The following MPPED2 variants were observed in gnomAD, a reference collection of about 807,000 sequenced individuals.
MPPED2 encodes metallophosphoesterase MPPED2.
MPPED2 carries 5 observed loss-of-function variants against 33.0 expected under a neutral mutation model. That is an observed-to-expected ratio of 0.15 (90% CI 0.08 to 0.32). The LOEUF is 0.32. MPPED2 is among the 10% of genes least tolerant of loss of function. The pLI is 1.00. For missense variants in MPPED2, 275 were observed against 372.1 expected, an observed-to-expected ratio of 0.74 and a Z score of 2.15; for synonymous variants, 136 against 141.9, an observed-to-expected ratio of 0.96 and a Z score of 0.29.
intron 4 of MPPED2, among the ~76,000 whole-genome samples, chr11:30,456,348 G>C (rs940054476): frequency 3.6e-4 from 55 of 152,226 alleles, no homozygotes; most frequent in African/African-American, 1.2e-3. Context: ...GAATGGTTCA[G>C]TTGAGGGGAA....
chr11:30,425,527 C>G (rs1846190440), intron 4 of MPPED2: 1 of 152,076 alleles, frequency 6.6e-6, no homozygotes, highest in Non-Finnish European at 1.5e-5. Flanking sequence ...TTCTACATGG[C>G]TGTAAGAAAC....
chr11:30,559,483 T>A (rs1382954903), intron 2 of MPPED2, among the ~76,000 whole-genome samples: 2 of 152,232 alleles, frequency 1.3e-5, no homozygotes, highest in Non-Finnish European at 2.9e-5. Flanking sequence ...ATGCTTAATT[T>A]GTATACATTT....
intron 6 of MPPED2, among the ~76,000 whole-genome samples, chr11:30,394,441 C>G (rs1030069105): frequency 6.6e-6 from 1 of 152,044 alleles, no homozygotes; most frequent in Admixed American, 6.6e-5. Context: ...TTGATATTAT[C>G]AGGCTTTTTT....
chr11:30,568,362 C>A (rs925713130), intron 2 of MPPED2, among the ~76,000 whole-genome samples: 2 of 152,132 alleles, frequency 1.3e-5, no homozygotes, highest in Admixed American at 6.5e-5. Context: ...AAAATACAAA[C>A]CTTCATTCTT....
chr11:30,552,876 C>T (rs868550881), intron 2 of MPPED2, among the ~76,000 whole-genome samples: 15 of 152,292 alleles, frequency 9.8e-5, no homozygotes, highest in Admixed American at 5.2e-4. Flanking sequence ...TCACTTTTCA[C>T]GATAGGTAAG....
At chr11:30,485,811 T>C (rs1460812807) in intron 4 of MPPED2, among the ~76,000 whole-genome samples, 3 of 152,142 alleles carry the variant, frequency 2.0e-5, no homozygotes, top group Non-Finnish European at 4.4e-5. Context: ...CCCATGGGCT[T>C]ATAGATGAAC....
intron 1 of MPPED2, among the ~76,000 whole-genome samples, chr11:30,583,134 CTTTTTTTTTT>C (rs199611856): frequency 1.3e-4 from 13 of 96,714 alleles, no homozygotes; most frequent in African/African-American, 4.8e-4. Context: ...AAGACTTTTT[CTTTTTTTTTT>C]TTTTTTTTTT....
intron 3 of MPPED2, among the ~76,000 whole-genome samples, chr11:30,517,465 G>A (rs1953596885): frequency 6.6e-6 from 1 of 152,270 alleles, no homozygotes. Flanking sequence ...CAACAATATT[G>A]AGGAGCTTTG....
chr11:30,565,166 C>T (rs537919087), intron 2 of MPPED2, among the ~76,000 whole-genome samples: 1 of 152,290 alleles, frequency 6.6e-6, no homozygotes, highest in Non-Finnish European at 1.5e-5. Context: ...CAACTGCTAA[C>T]AGCAGGCGCG....
chr11:30,395,836 G>A (rs1441320328), intron 6 of MPPED2, among the ~76,000 whole-genome samples: 2 of 152,060 alleles, frequency 1.3e-5, no homozygotes, highest in African/African-American at 2.4e-5. Flanking sequence ...TTTCAGAAAC[G>A]TTGTACACAC....
chr11:30,466,546 GTC>G (rs1950714991), intron 4 of MPPED2, among the ~76,000 whole-genome samples: 1 of 152,220 alleles, frequency 6.6e-6, no homozygotes, highest in Non-Finnish European at 1.5e-5. Flanking sequence ...GATGGCAGAG[GTC>G]AATCTGCCCT....
At chr11:30,477,031 T>A (rs1951236353) in intron 4 of MPPED2, among the ~76,000 whole-genome samples, 1 of 152,126 alleles carries the variant, frequency 6.6e-6, no homozygotes, top group South Asian at 2.1e-4. Flanking sequence ...TATGCTGCAA[T>A]TATGAAAACA....
At chr11:30,443,838 C>T (rs1565073450) in intron 4 of MPPED2, among the ~76,000 whole-genome samples, 1 of 152,176 alleles carries the variant, frequency 6.6e-6, no homozygotes, top group Non-Finnish European at 1.5e-5. Context: ...AAACAACAAA[C>T]TCATCTTAAG....
intron 4 of MPPED2, among the ~76,000 whole-genome samples, chr11:30,484,650 G>T (rs1237168330): frequency 2.0e-5 from 3 of 152,158 alleles, no homozygotes; most frequent in African/African-American, 7.2e-5. Context: ...CACTGAAAAT[G>T]ATACTCCATG....
At position 30,536,053 on chromosome 11, in the gene MPPED2, G is replaced by C; in HGVS notation, c.251C>G (p.Thr84Arg). ...CAGTCCCAGCTCGGTGAAATCGCCT[G>C]TGTGGAGAAGGATGTCCCCATAAGG... ...QMPYGDILLH[T>R]GDFTELGLPS... Residue 84 changes from threonine (T) to arginine (R), a missense_variant, in exon 3 of 7, where the codon ACA becomes AGA. By Grantham distance (71) the Thr-to-Arg change is moderately conservative. Transcript: ENST00000358117. The C allele has an allele frequency of 6.2e-7, 1 of 1,613,590 alleles. No individual in the cohort carries two copies. Among genetic ancestry groups the C allele is most frequent in the Non-Finnish European group, 8.5e-7 (1 of 1,179,768 alleles).
At chr11:30,581,009 C>A (rs577955028) in intron 1 of MPPED2, among the ~76,000 whole-genome samples, 2 of 152,290 alleles carry the variant, frequency 1.3e-5, no homozygotes, top group Admixed American at 1.3e-4. Flanking sequence ...CACATAATAA[C>A]CACACATTAC....
chr11:30,494,468 T>C (rs1237974553), intron 4 of MPPED2, among the ~76,000 whole-genome samples: 1 of 151,286 alleles, frequency 6.6e-6, no homozygotes, highest in Non-Finnish European at 1.5e-5. Context: ...CCAGGAGCGG[T>C]GGCTTATACC....
chr11:30,395,642 G>A (rs1290819330), intron 6 of MPPED2, among the ~76,000 whole-genome samples: 1 of 152,124 alleles, frequency 6.6e-6, no homozygotes, highest in East Asian at 1.9e-4. Context: ...CTGAACAGAC[G>A]GCTTAGTTTG....
intron 3 of MPPED2, among the ~76,000 whole-genome samples, chr11:30,502,178 A>C (rs552992642): frequency 6.6e-6 from 1 of 152,326 alleles, no homozygotes; most frequent in African/African-American, 2.4e-5. Context: ...ACAGGCCACA[A>C]GTGGGGCCAG....
Sources: gnomAD v4.1 joint callset for allele counts (sites outside exome capture counted in the v4.1 genomes callset) on GRCh38, gnomAD v4.1.1 for gene constraint, MANE v1.5 for transcripts, NCBI Gene and HGNC (gene_info 2026-07-23, HGNC 2026-07-21) for gene names.